Variants in XIRP2 observed in about 807,000 individuals in gnomAD.
The protein encoded by XIRP2 is xin actin-binding repeat-containing protein 2.
Under a neutral mutation model 277.0 loss-of-function variants are expected in XIRP2, and 236 were observed. The observed-to-expected ratio is 0.85, with a 90% CI of 0.77 to 0.95. The LOEUF is 0.95. Ranked by LOEUF, XIRP2 falls within the 40% of genes least tolerant of loss-of-function variation. The pLI, the probability that XIRP2 is intolerant of heterozygous loss-of-function variation, is 0.00. For synonymous variants in XIRP2, 1,490 were observed against 1,416.5 expected (o/e 1.05, Z -1.17); for missense variants, 4,640 against 4,157.5 (o/e 1.12, Z -3.19).
At chr2:166,910,991 T>C (rs1319594685) in intron 2 of XIRP2, among the ~76,000 whole-genome samples, 3 of 152,200 alleles carry the variant, frequency 2.0e-5, no homozygotes, top group Non-Finnish European at 4.4e-5. Context: ...GTGGTTATAA[T>C]TTCTGTTCTT....
Position 167,135,922 on chromosome 2 carries a change from A to G in XIRP2, c.422A>G (p.Glu141Gly). Residue 141 changes from glutamate to glycine, a missense_variant, in exon 3 of 11, where the codon GAG becomes GGG. Transcript: ENST00000409195. ...GTCTTGTAACAGGAAGTGGAAATTGAGCGAAGTTTGTGCTCGCCAGCTTTT... is the reference window on the plus strand; with the variant it reads ...GTCTTGTAACAGGAAGTGGAAATTGGGCGAAGTTTGTGCTCGCCAGCTTTT... ...AEYGGKEVEI[E>G]RSLCSPAFKS... The G allele has an allele frequency of 6.2e-7, 1 of 1,600,482 alleles. No individual in the cohort carries two copies.
chr2:167,013,741 T>C (rs372674170), intron 2 of XIRP2, among the ~76,000 whole-genome samples: 41 of 151,762 alleles, frequency 2.7e-4, no homozygotes, highest in African/African-American at 9.4e-4. Context: ...AAGTAACTTA[T>C]AGACAGAAAT....
intron 2 of XIRP2, among the ~76,000 whole-genome samples, chr2:167,114,057 C>T (rs766645502): frequency 2.0e-5 from 3 of 152,122 alleles, no homozygotes; most frequent in Non-Finnish European, 4.4e-5. Flanking sequence ...CTGCCTTTAA[C>T]ATTTTATCTT....
At position 167,147,386 on chromosome 2, in the gene XIRP2, T is replaced by G. The variant is rs1009265239; in HGVS notation, c.562+11324T>G. On this transcript the variant is annotated intron_variant, in intron 3 of 10. Coordinates refer to ENST00000409195, the MANE Select transcript of XIRP2 (RefSeq NM_152381.6). ...TGGAATATCAGGCCCGATAAGAGTC[T>G]TTGTGTACCTGGGGCACTTACCCAG... is the stretch of plus-strand genomic sequence containing the variant. 3.9e-5 allele frequency among the ~76,000 whole-genome samples: 6 copies of G among 152,232 alleles called. No individual in the cohort carries two copies. In the East Asian group the frequency reaches 7.7e-4, roughly 20 times the overall value.
At chr2:167,005,191 A>G (rs997300966) in intron 2 of XIRP2, among the ~76,000 whole-genome samples, 1 of 151,934 alleles carries the variant, frequency 6.6e-6, no homozygotes, top group Non-Finnish European at 1.5e-5. Flanking sequence ...CCCACTGCAC[A>G]TAATAAGGAA....
At chr2:167,176,299 C>T (rs192924791) in intron 3 of XIRP2, among the ~76,000 whole-genome samples, 8 of 150,112 alleles carry the variant, frequency 5.3e-5, no homozygotes, top group Admixed American at 2.0e-4. Context: ...GAGGCAATGC[C>T]CCACCCTTCT....
chr2:166,943,604 G>A (rs573694847), intron 2 of XIRP2, among the ~76,000 whole-genome samples: 9 of 152,328 alleles, frequency 5.9e-5, no homozygotes, highest in African/African-American at 1.9e-4. Flanking sequence ...CTGCAGAGGG[G>A]CATGGGACTG....
At chr2:167,235,730 G>T (rs1237643911) in intron 5 of XIRP2, among the ~76,000 whole-genome samples, 2 of 151,712 alleles carry the variant, frequency 1.3e-5, no homozygotes, top group East Asian at 3.9e-4. Context: ...TCTTTAAGAG[G>T]GTATAATGAA....
chr2:166,962,197 A>G (rs1191017603), intron 2 of XIRP2, among the ~76,000 whole-genome samples: 3 of 151,724 alleles, frequency 2.0e-5, no homozygotes, highest in Non-Finnish European at 4.4e-5. Flanking sequence ...ACACATATCC[A>G]AAGGTCATCT....
intron 2 of XIRP2, among the ~76,000 whole-genome samples, chr2:167,119,612 T>C (rs1690995934): frequency 6.6e-6 from 1 of 152,200 alleles, no homozygotes; most frequent in Non-Finnish European, 1.5e-5. Context: ...ATTTCAGTAG[T>C]TGACAAAGTT....
chr2:167,086,588 C>T (rs895586805), intron 2 of XIRP2, among the ~76,000 whole-genome samples: 3 of 151,950 alleles, frequency 2.0e-5, no homozygotes, highest in East Asian at 1.9e-4. Context: ...ACCAATCAGA[C>T]GTAGATTTGG....
At chr2:167,040,190 G>A (rs944271903) in intron 2 of XIRP2, among the ~76,000 whole-genome samples, 1 of 151,550 alleles carries the variant, frequency 6.6e-6, no homozygotes, top group African/African-American at 2.4e-5. Flanking sequence ...TGGCCAACTA[G>A]ATACAGCCAG....
chr2:167,257,975 TG>T lies in XIRP2; in HGVS notation c.*160del. The T allele has an allele frequency of 1.9e-6, 3 of 1,613,114 alleles. No individual in the cohort carries two copies. Among genetic ancestry groups the T allele is most frequent in the Non-Finnish European group, 2.5e-6 (3 of 1,179,458 alleles). ...TGGACATAAGCAGCATAAAGATAGA[TG>T]GAACTGCAAAAACCAAAGCAGATCA... On this transcript the variant is annotated 3_prime_UTR_variant, in exon 11 of 11. Transcript: ENST00000409195.
intron 2 of XIRP2, among the ~76,000 whole-genome samples, chr2:166,942,157 A>T (rs1685737990): frequency 6.6e-6 from 1 of 152,194 alleles, no homozygotes; most frequent in African/African-American, 2.4e-5. Context: ...ATGCCCTGGC[A>T]AAGTTTCTAA....
intron 2 of XIRP2, among the ~76,000 whole-genome samples, chr2:167,098,061 G>T (rs1377203786): frequency 6.6e-6 from 1 of 152,128 alleles, no homozygotes; most frequent in African/African-American, 2.4e-5. Context: ...TCTTTGTGGT[G>T]TTCTCTGGAT....
intron 2 of XIRP2, among the ~76,000 whole-genome samples, chr2:167,099,910 A>G (rs569820114): frequency 1.3e-5 from 2 of 152,266 alleles, no homozygotes; most frequent in East Asian, 3.9e-4. Context: ...CGCCTTCTGC[A>G]TTGATCTCTC....
chr2:167,095,057 T>G (rs552545241), intron 2 of XIRP2, among the ~76,000 whole-genome samples: 1 of 152,244 alleles, frequency 6.6e-6, no homozygotes, highest in African/African-American at 2.4e-5. Context: ...TATTCCTAGG[T>G]TTTTTATTCT....
intron 2 of XIRP2, among the ~76,000 whole-genome samples, chr2:166,906,695 C>T (rs574894152): frequency 6.6e-6 from 1 of 151,902 alleles, no homozygotes; most frequent in African/African-American, 2.4e-5. Context: ...GTGGCTCACA[C>T]CTGTTTTCCC....
At chr2:167,136,960 C>A (rs531927771) in intron 3 of XIRP2, among the ~76,000 whole-genome samples, 1 of 152,202 alleles carries the variant, frequency 6.6e-6, no homozygotes, top group Non-Finnish European at 1.5e-5. Flanking sequence ...TGCGAATCAG[C>A]ACGTCAGCAT....
Sources: allele counts gnomAD v4.1 joint callset (sites outside exome capture counted in the v4.1 genomes callset), GRCh38; gene constraint gnomAD v4.1.1; transcripts MANE v1.5; gene names NCBI Gene and HGNC (gene_info 2026-07-23, HGNC 2026-07-21).